ACAD10: variants seen among roughly 807,000 people sequenced by gnomAD.
ACAD10 encodes acyl-CoA dehydrogenase family member 10, also known as ACAD-10.
Under a neutral mutation model 116.8 loss-of-function variants are expected in ACAD10, and 112 were observed. The observed-to-expected ratio is 0.96, with a 90% CI of 0.82 to 1.12. The LOEUF (loss-of-function observed/expected upper bound fraction) is 1.12. Ranked by LOEUF, ACAD10 falls within the 50% of genes most tolerant of loss-of-function variation. The probability of loss-of-function intolerance (pLI) is 0.00; values close to 1 mark genes in which losing one functional copy is unlikely to be tolerated. For missense variants in ACAD10, 1,259 were observed against 1,350.2 expected (o/e 0.93, Z 1.06); for synonymous variants, 486 against 510.6 (o/e 0.95, Z 0.65).
intron 6 of ACAD10, 191 bp from the exon 7 acceptor site, chr12:111,715,624 TCCTGGA>T (rs1386958349): frequency 5.2e-5 from 32 of 615,660 alleles, no homozygotes. Flanking sequence ...TGGCATGTGA[TCCTGGA>T]CCTGAGTTGG....
chr12:111,720,495 T>C (rs138242525), intron 7 of ACAD10, among the ~76,000 whole-genome samples: 3 of 152,336 alleles, frequency 2.0e-5, no homozygotes, highest in African/African-American at 7.2e-5. Context: ...ATACTTATGA[T>C]TGTAATATCT....
intron 3 of ACAD10, among the ~76,000 whole-genome samples, chr12:111,702,613 C>G (rs1051065733): frequency 3.9e-5 from 6 of 152,028 alleles, no homozygotes; most frequent in Non-Finnish European, 8.8e-5. Flanking sequence ...CATCTGTAAT[C>G]CCAGCTATTT....
chr12:111,733,928 ACAAC>A lies in ACAD10; in HGVS notation c.1402_1405del (p.Asn468TrpfsTer44). On this transcript the variant is annotated frameshift_variant, in exon 11 of 21. Coordinates refer to ENST00000313698, the MANE Select transcript of ACAD10 (RefSeq NM_025247.6). LOFTEE classifies it high-confidence loss of function. ...TTCCTCCTGCGACTTTTCAGGCTCG[ACAAC>A]CTGGTGTTTCATCCAGAAGAGCCAG... The A allele has an allele frequency of 5.0e-6, 8 of 1,614,200 alleles. No homozygotes were observed. Among genetic ancestry groups the A allele is most frequent in the African/African-American group, 1.3e-5 (1 of 75,054 alleles).
chr12:111,723,657 C>T (rs1213532111), intron 8 of ACAD10, among the ~76,000 whole-genome samples: 2 of 145,228 alleles, frequency 1.4e-5, no homozygotes, highest in East Asian at 2.3e-4. Context: ...ACCCCCCGAC[C>T]TCCCTCCCGG....
chr12:111,688,736 C>T (rs925958960), intron 1 of ACAD10, among the ~76,000 whole-genome samples: 3 of 148,330 alleles, frequency 2.0e-5, no homozygotes, highest in Admixed American at 6.7e-5. Context: ...ACCTGGGAGG[C>T]GGTTGCAGTG....
chr12:111,752,731 G>A (rs1478354531), intron 18 of ACAD10: 1 of 151,970 alleles, frequency 6.6e-6, no homozygotes, highest in Non-Finnish European at 1.5e-5. Context: ...TTAACTAGTG[G>A]TGACTAGATG....
chr12:111,699,642 G>A (rs561019354), intron 2 of ACAD10, among the ~76,000 whole-genome samples: 1 of 152,106 alleles, frequency 6.6e-6, no homozygotes, highest in Admixed American at 6.6e-5. Flanking sequence ...TAGACATGGT[G>A]GATGTGATGG....
intron 11 of ACAD10, among the ~76,000 whole-genome samples, chr12:111,734,891 A>T (rs952427536): frequency 2.6e-5 from 4 of 152,340 alleles, no homozygotes; most frequent in African/African-American, 9.6e-5. Flanking sequence ...CTTCTATAGC[A>T]TAATTTTTAA....
chr12:111,719,993 C>G (rs1222321185), intron 7 of ACAD10, among the ~76,000 whole-genome samples: 1 of 152,134 alleles, frequency 6.6e-6, no homozygotes, highest in African/African-American at 2.4e-5. Context: ...TCCCAAAGTG[C>G]TGAGATTGCA....
chr12:111,748,200 C>G, intron 16 of ACAD10, 117 bp from the exon 17 acceptor site: 1 of 1,291,698 alleles, frequency 7.7e-7, no homozygotes, highest in Admixed American at 2.0e-5. Flanking sequence ...TTACATGGAG[C>G]CTTAAAGAGC....
intron 8 of ACAD10, among the ~76,000 whole-genome samples, chr12:111,727,181 GCGC>G (rs1566157142): frequency 1.3e-5 from 2 of 151,750 alleles, no homozygotes; most frequent in African/African-American, 2.4e-5. Context: ...AGCCAAGATC[GCGC>G]CACTGCACTC....
At chr12:111,738,774 G>A (rs1188939961) in intron 12 of ACAD10, among the ~76,000 whole-genome samples, 1 of 152,132 alleles carries the variant, frequency 6.6e-6, no homozygotes, top group Non-Finnish European at 1.5e-5. Flanking sequence ...GACTGAGGCA[G>A]GAGAGAGAAT....
intron 2 of ACAD10, among the ~76,000 whole-genome samples, chr12:111,701,738 T>A (rs1888355214): frequency 6.6e-6 from 1 of 152,194 alleles, no homozygotes; most frequent in African/African-American, 2.4e-5. Flanking sequence ...ACTCACTCCA[T>A]GCTGTGAAGA....
At chr12:111,694,289 C>T (rs1398947769) in intron 2 of ACAD10, among the ~76,000 whole-genome samples, 1 of 152,164 alleles carries the variant, frequency 6.6e-6, no homozygotes, top group Admixed American at 6.5e-5. Context: ...TTCCTTCACT[C>T]GTATCTCTGT....
intron 12 of ACAD10, among the ~76,000 whole-genome samples, chr12:111,743,189 A>T (rs1027086610): frequency 1.3e-5 from 2 of 152,148 alleles, no homozygotes; most frequent in African/African-American, 2.4e-5. Context: ...TCTCAGATGC[A>T]GGGCTCAGAG....
In ACAD10 at chr12:111,751,293, G is replaced by C. The variant is rs184419877; in HGVS notation, c.2817+1948G>C. ...ATCTATTCCTTAACATGGAGAAATT[G>C]CTCACTATATACACTTAAATTTAAA... On this transcript the variant is annotated intron_variant, in intron 18 of 20. Coordinates refer to ENST00000313698, the MANE Select transcript of ACAD10 (RefSeq NM_025247.6). Among the ~76,000 whole-genome samples, 617 of 152,172 alleles carry C rather than the reference G, an allele frequency of 4.1e-3. 2 individuals carry two copies. The highest frequency in any genetic ancestry group is 6.5e-3 in the Admixed American group (99 of 15,272).
intron 3 of ACAD10, among the ~76,000 whole-genome samples, chr12:111,702,863 A>G (rs1593019242): frequency 1.3e-5 from 2 of 151,912 alleles, no homozygotes; most frequent in East Asian, 3.8e-4. Context: ...GGAGGCTGAG[A>G]CAGGAGAAGT....
intron 8 of ACAD10, among the ~76,000 whole-genome samples, 157 bp from the exon 9 acceptor site, chr12:111,727,805 T>C (rs1889262896): frequency 6.6e-6 from 1 of 152,138 alleles, no homozygotes; most frequent in South Asian, 2.1e-4. Flanking sequence ...ACTGTGCTTA[T>C]GTGAAAGGAA....
At position 111,728,026 on chromosome 12, in the gene ACAD10, C is replaced by T. The variant is rs776024275; in HGVS notation, c.1126C>T (p.Leu376=). ...CPGLIYKDPS[L]PGLEPSHRRA... ...AGGTCTCATCTACAAAGACCCTTCC[C>T]TGCCAGGCTTGGAGCCCAGCCACAG... Residue 376 remains leucine, a synonymous_variant, in exon 9 of 21, where the codon CTG becomes TTG. Coordinates refer to ENST00000313698, the MANE Select transcript of ACAD10 (RefSeq NM_025247.6). 2 of 1,614,172 alleles carry T rather than the reference C, an allele frequency of 1.2e-6. No homozygotes were observed. The highest frequency in any genetic ancestry group is 1.7e-6 in the Non-Finnish European group (2 of 1,180,022).
Sources: gnomAD v4.1 joint callset for allele counts (sites outside exome capture counted in the v4.1 genomes callset) on GRCh38, gnomAD v4.1.1 for gene constraint, MANE v1.5 for transcripts, NCBI Gene and HGNC (gene_info 2026-07-23, HGNC 2026-07-21) for gene names.